Variants in TAPT1 observed in about 807,000 individuals in gnomAD.
TAPT1 encodes the protein transmembrane anterior posterior transformation 1, also known as transmembrane anterior posterior transformation protein 1 homolog.
A neutral mutation model predicts 65.6 loss-of-function variants in TAPT1; 28 were observed. That is an observed-to-expected ratio of 0.43 (90% CI 0.32 to 0.59). TAPT1 has a LOEUF of 0.59. Among genes scored for constraint, TAPT1 ranks in the 20% least tolerant of loss-of-function variants. The probability of loss-of-function intolerance (pLI) is 0.09; values close to 1 mark genes in which losing one functional copy is unlikely to be tolerated. For synonymous variants in TAPT1, 278 were observed against 245.2 expected, an observed-to-expected ratio of 1.13 and a Z score of -1.25; for missense variants, 563 against 679.9, an observed-to-expected ratio of 0.83 and a Z score of 1.91.
At position 16,226,017 on chromosome 4, in the gene TAPT1, G is replaced by A. The variant is rs573445732; in HGVS notation, c.199+242C>T. 38 of 1,003,314 alleles carry A rather than the reference G, an allele frequency of 3.8e-5. No homozygotes were observed. In the African/African-American group the frequency reaches 5.9e-4, roughly 16 times the overall value. The allele number at this position is 1,003,314 out of a possible 1,614,324, so 62.2% of individuals were successfully genotyped here. On this transcript the variant is annotated intron_variant, in intron 1 of 13. Transcript: ENST00000405303. ...TTTCCCGGCCGCAGACCCCTTCTAG[G>A]GCACACCTGGCCTGGCGCGGCCGCG... is the stretch of plus-strand genomic sequence containing the variant.
chr4:16,180,028 G>A (rs1049286422), intron 7 of TAPT1, among the ~76,000 whole-genome samples: 4 of 152,138 alleles, frequency 2.6e-5, no homozygotes, highest in Non-Finnish European at 5.9e-5. Flanking sequence ...TAGAAGCAAA[G>A]AGTAAAATGA....
rs149534692 is a variant in TAPT1, at chr4:16,220,083, G to A, written c.199+6176C>T. Among the ~76,000 whole-genome samples, 425 of 152,302 alleles carry A rather than the reference G, an allele frequency of 2.8e-3. 2 individuals carry two copies. Among genetic ancestry groups the A allele is most frequent in the African/African-American group, 9.6e-3 (397 of 41,554 alleles). On this transcript the variant is annotated intron_variant, in intron 1 of 13. Coordinates refer to ENST00000405303, the MANE Select transcript of TAPT1 (RefSeq NM_153365.3). The stretch of plus-strand genomic sequence containing the variant: ...AGAGCGCCACTCAATCTCCAGTGCC[G>A]AGGTATACCTGCGTTTCAGTGTTTC...
intron 5 of TAPT1, 91 bp downstream of exon 5, chr4:16,188,129 A>G (rs1749132096): frequency 2.8e-6 from 3 of 1,077,078 alleles, no homozygotes; most frequent in Non-Finnish European, 3.9e-6. Flanking sequence ...CATTATCTAT[A>G]TATCTTTAAA....
rs1749156548 is a variant in TAPT1, at chr4:16,188,497, T to C, written c.613-142A>G. ...GCTAAAGAGGAGTGAGGATCTTTGT[T>C]TACTTATTCACTCACATTTCTTTAT... On this transcript the variant is annotated intron_variant, in intron 4 of 13. Transcript: ENST00000405303. The C allele has an allele frequency of 2.6e-5, 16 of 606,076 alleles. No individual in the cohort carries two copies. In the East Asian group the frequency reaches 4.5e-4, roughly 17 times the overall value. The allele number at this position is 606,076 out of a possible 1,614,324, so 37.5% of individuals were successfully genotyped here. A position where few individuals can be genotyped will look rare whatever the true frequency, so the allele number is the denominator to read the frequency against.
chr4:16,215,020 G>T (rs988618587), intron 1 of TAPT1, among the ~76,000 whole-genome samples: 1 of 152,122 alleles, frequency 6.6e-6, no homozygotes, highest in African/African-American at 2.4e-5. Flanking sequence ...GGCCAGGCAC[G>T]GTGGCTCACG....
chr4:16,195,455 A>C lies in TAPT1; in HGVS notation c.450-3932T>G, dbSNP rs117599443. On this transcript the variant is annotated intron_variant, in intron 3 of 13. Coordinates refer to ENST00000405303, the MANE Select transcript of TAPT1 (RefSeq NM_153365.3). ...GTTGGGCAAAGTGAAAAACCCACTAATCTAATTTGCAGGTTTGGGTGTATG... is the reference window on the plus strand; with the variant it reads ...GTTGGGCAAAGTGAAAAACCCACTACTCTAATTTGCAGGTTTGGGTGTATG... Among the ~76,000 whole-genome samples, 15 of 152,358 alleles carry C rather than the reference A, an allele frequency of 9.8e-5. No homozygotes were observed. The East Asian group carries it at 2.5e-3, about 25-fold the overall frequency.
At chr4:16,165,429 G>T (rs1216561492) in intron 13 of TAPT1, among the ~76,000 whole-genome samples, 1 of 151,872 alleles carries the variant, frequency 6.6e-6, no homozygotes. Context: ...AATTAGCTGG[G>T]CGTGGTGGTG....
intron 2 of TAPT1, among the ~76,000 whole-genome samples, chr4:16,209,113 G>A (rs1750512215): frequency 6.6e-6 from 1 of 152,096 alleles, no homozygotes; most frequent in African/African-American, 2.4e-5. Context: ...TGTGTCGGTG[G>A]TTTCCTGTTC....
At chr4:16,200,715 A>G (rs1179241913) in intron 3 of TAPT1, among the ~76,000 whole-genome samples, 2 of 152,192 alleles carry the variant, frequency 1.3e-5, no homozygotes, top group South Asian at 2.1e-4. Flanking sequence ...ATAAAGATGT[A>G]TATTTGGTAA....
At chr4:16,174,479 T>C (rs945633159) in intron 10 of TAPT1, 191 bp downstream of exon 10, 1 of 670,004 alleles carries the variant, frequency 1.5e-6, no homozygotes, top group African/African-American at 1.8e-5. Flanking sequence ...GCAAAGAGCA[T>C]ATACTACTTA....
At chr4:16,176,044 T>C in intron 9 of TAPT1, 75 bp downstream of exon 9, 5 of 678,372 alleles carry the variant, frequency 7.4e-6, no homozygotes, top group Non-Finnish European at 1.2e-5. Context: ...AACAAACTCC[T>C]ATTATTCTAC....
At chr4:16,199,960 C>T (rs1578457639) in intron 3 of TAPT1, among the ~76,000 whole-genome samples, 2 of 152,148 alleles carry the variant, frequency 1.3e-5, no homozygotes, top group Admixed American at 6.5e-5. Flanking sequence ...CAGAAATGAA[C>T]TTGAGTGCAA....
chr4:16,194,863 T>TCTCCTCCTTCTCCTC (rs1749598235), intron 3 of TAPT1, among the ~76,000 whole-genome samples: 3 of 17,568 alleles, frequency 1.7e-4, no homozygotes, highest in African/African-American at 4.4e-4. Flanking sequence ...ATTTCTGTCT[T>TCTCCTCCTTCTCCTC]CTTCTTCTTC....
At chr4:16,193,804 A>G (rs903385225) in intron 3 of TAPT1, among the ~76,000 whole-genome samples, 10 of 152,212 alleles carry the variant, frequency 6.6e-5, no homozygotes, top group African/African-American at 2.4e-4. Context: ...GTCACACATC[A>G]TCAACAGTCA....
intron 3 of TAPT1, among the ~76,000 whole-genome samples, chr4:16,200,968 C>T (rs1487264310): frequency 2.0e-5 from 3 of 152,100 alleles, no homozygotes; most frequent in South Asian, 2.1e-4. Flanking sequence ...TCTAAAACTA[C>T]CTTCCCATTT....
Position 16,225,983 on chromosome 4 carries a change from G to A in TAPT1, c.199+276C>T, listed in dbSNP as rs1040974847. On this transcript the variant is annotated intron_variant, in intron 1 of 13. Coordinates refer to ENST00000405303, the MANE Select transcript of TAPT1 (RefSeq NM_153365.3). ...CCTTCCGAGGGCGATGCAAGGACCC[G>A]GACAGAACTTTCCCGGCCGCAGACC... The A allele has an allele frequency of 4.0e-6, 4 of 996,262 alleles. No individual in the cohort carries two copies. The African/African-American group carries it at 7.0e-5, about 17-fold the overall frequency. The allele number at this position is 996,262 out of a possible 1,614,324, so 61.7% of individuals were successfully genotyped here. A position where few individuals can be genotyped will look rare whatever the true frequency, so the allele number is the denominator to read the frequency against.
chr4:16,213,748 T>C lies in TAPT1; in HGVS notation c.330+20A>G, dbSNP rs765281849. 1.1e-5 allele frequency: 17 copies of C among 1,534,474 alleles called. No homozygotes were observed. In the South Asian group the frequency reaches 2.0e-4, roughly 18 times the overall value. On this transcript the variant is annotated intron_variant, in intron 2 of 13. Transcript: ENST00000405303. ...ACATAACTTTCAAAATGATGTCTGG[T>C]AATGAAGAAAAAATAGTACCTTTTC...
At chr4:16,212,011 G>A (rs1750675527) in intron 2 of TAPT1, among the ~76,000 whole-genome samples, 2 of 151,648 alleles carry the variant, frequency 1.3e-5, no homozygotes, top group Non-Finnish European at 2.9e-5. Context: ...TGCCTTAAGA[G>A]AAAGAAAGAA....
intron 5 of TAPT1, 126 bp from the exon 6 acceptor site, chr4:16,187,004 A>T (rs145649043): frequency 1.7e-4 from 103 of 610,516 alleles, no homozygotes; most frequent in African/African-American, 1.6e-3. Flanking sequence ...GTATTGTATT[A>T]TCTTCATAAT....
Sources: allele counts gnomAD v4.1 joint callset (sites outside exome capture counted in the v4.1 genomes callset), GRCh38; gene constraint gnomAD v4.1.1; transcripts MANE v1.5; gene names NCBI Gene and HGNC (gene_info 2026-07-23, HGNC 2026-07-21).